The following BUD31 variants were observed in gnomAD, a reference collection of about 807,000 sequenced individuals.
BUD31 encodes the protein protein BUD31 homolog.
BUD31 carries 9 observed loss-of-function variants against 17.9 expected under a neutral mutation model. The observed-to-expected ratio is 0.50, with a 90% CI of 0.30 to 0.88. The LOEUF is 0.88. Among genes scored for constraint, BUD31 ranks in the 40% least tolerant of loss-of-function variants. BUD31 has a pLI of 0.06. For synonymous variants in BUD31, 70 were observed against 64.7 expected (o/e 1.08, Z -0.39); for missense variants, 148 against 184.5 (o/e 0.80, Z 1.15).
intron 3 of BUD31, among the ~76,000 whole-genome samples, chr7:99,415,520 C>A (rs568825313): frequency 6.6e-6 from 1 of 152,210 alleles, no homozygotes; most frequent in Admixed American, 6.5e-5. Context: ...TGCGGGCGGG[C>A]CTGACTGATG....
At chr7:99,415,527 G>A (rs1338508717) in intron 3 of BUD31, among the ~76,000 whole-genome samples, 1 of 151,826 alleles carries the variant, frequency 6.6e-6, no homozygotes, top group South Asian at 2.1e-4. Context: ...GGGCCTGACT[G>A]ATGTCAGGCC....
chr7:99,412,348 G>C (rs1425097062), intron 3 of BUD31, among the ~76,000 whole-genome samples: 2 of 152,190 alleles, frequency 1.3e-5, no homozygotes, highest in Non-Finnish European at 2.9e-5. Flanking sequence ...CTTCTAAAGG[G>C]TGACTTTTGA....
chr7:99,415,262 G>C (rs10953289), intron 3 of BUD31: 53,403 of 455,782 alleles, frequency 0.12, 7,227 homozygotes, highest in African/African-American at 0.49. Flanking sequence ...CATCTCCAAT[G>C]ATAGGTAAGG....
At position 99,419,513 on chromosome 7, in the gene BUD31, C is replaced by T; in HGVS notation, c.*72C>T. 11 of 1,569,834 alleles carry T rather than the reference C, an allele frequency of 7.0e-6. No homozygotes were observed. Among genetic ancestry groups the T allele is most frequent in the Middle Eastern group, 1.7e-4 (1 of 5,936 alleles). ...TGTCACGCCACCCCCTTCCTGGGAG[C>T]AGCGAGCAGTGCCCCAGGCCCGAGT... On this transcript the variant is annotated 3_prime_UTR_variant, in exon 6 of 6. Transcript: ENST00000222969.
At chr7:99,419,355 G>A (rs367628316) in intron 5 of BUD31, 36 bp from the exon 6 acceptor site, 44 of 1,610,902 alleles carry the variant, frequency 2.7e-5, no homozygotes, top group South Asian at 1.4e-4. Flanking sequence ...CGAGCGTGGC[G>A]CAGTGGCATC....
intron 3 of BUD31, among the ~76,000 whole-genome samples, chr7:99,415,491 A>G (rs1039925500): frequency 1.3e-5 from 2 of 152,060 alleles, no homozygotes; most frequent in African/African-American, 4.8e-5. Context: ...ACAGGGAGAT[A>G]GTTAGGCCTC....
Position 99,419,397 on chromosome 7 carries a change from A to G in BUD31, c.391A>G (p.Ile131Val). Residue 131 changes from isoleucine (I) to valine (V), a missense_variant, in exon 6 of 6, where the codon ATC (isoleucine) becomes GTC (valine). By Grantham distance (29) the Ile-to-Val change is conservative. Transcript: ENST00000222969. Reference sequence around the variant, plus strand: ...CTGTCCTCCTCCGTTGCAGGGCCGCATCATCGAGTGCACACACTGTGGCTG... The same window carrying G: ...CTGTCCTCCTCCGTTGCAGGGCCGCGTCATCGAGTGCACACACTGTGGCTG... Reference protein sequence around the residue: ...VPKSKLEVGRIIECTHCGCRG... With the variant: ...VPKSKLEVGRVIECTHCGCRG... 1 of 1,613,132 alleles carries G rather than the reference A, an allele frequency of 6.2e-7. No homozygotes were observed. The highest frequency in any genetic ancestry group is 8.5e-7 in the Non-Finnish European group (1 of 1,180,000).
chr7:99,415,085 T>C (rs1795344091), intron 3 of BUD31: 1 of 391,488 alleles, frequency 2.6e-6, no homozygotes, highest in Non-Finnish European at 5.0e-6. Flanking sequence ...TTTCTCCCCG[T>C]GTGTGGAGAC....
At chr7:99,414,033 C>T (rs902612733) in intron 3 of BUD31, among the ~76,000 whole-genome samples, 74 of 152,202 alleles carry the variant, frequency 4.9e-4, no homozygotes, top group Admixed American at 4.8e-3. Context: ...GCATGTCTCA[C>T]ACATGGATGT....
chr7:99,419,414 C>T lies in BUD31; in HGVS notation c.408C>T (p.His136=). ...AGGGCCGCATCATCGAGTGCACACA[C>T]TGTGGCTGTCGTGGCTGCTCTGGCT... ...LEVGRIIECT[H]CGCRGCSG is the part of the protein sequence containing the mutation. The change falls in exon 6 of 6, where the codon CAC becomes CAT. Residue 136 remains histidine, a synonymous_variant. Transcript: ENST00000222969. 2 of 1,613,172 alleles carry T rather than the reference C, an allele frequency of 1.2e-6. No individual in the cohort carries two copies. The highest frequency in any genetic ancestry group is 2.2e-5 in the South Asian group (2 of 91,086).
chr7:99,409,300 C>T (rs1741934930), intron 1 of BUD31, 55 bp downstream of exon 1: 1 of 152,324 alleles, frequency 6.6e-6, no homozygotes, highest in East Asian at 1.9e-4. Flanking sequence ...CAGATGCTGT[C>T]CTTTTTATGA....
intron 1 of BUD31, among the ~76,000 whole-genome samples, chr7:99,409,499 TGGATCA>T (rs965518951): frequency 6.6e-6 from 1 of 152,016 alleles, no homozygotes; most frequent in Non-Finnish European, 1.5e-5. Flanking sequence ...ACTTCCAGGC[TGGATCA>T]GGGCCCTCGA....
At chr7:99,415,302 G>A (rs753332211) in intron 3 of BUD31, 5 of 454,804 alleles carry the variant, frequency 1.1e-5, no homozygotes, top group South Asian at 1.5e-5. Flanking sequence ...ACTGGAAAGC[G>A]GGCCCTTGCC....
intron 4 of BUD31, chr7:99,416,783 CAAT>C (rs1396173401): frequency 6.9e-6 from 1 of 145,816 alleles, no homozygotes; most frequent in African/African-American, 2.8e-5. Flanking sequence ...TGCAGTGGTG[CAAT>C]GATGGCTCAC....
In BUD31 at chr7:99,411,078, T is replaced by C. The variant is rs1057030235; in HGVS notation, c.-15T>C. 6.2e-7 allele frequency: 1 copy of C among 1,610,564 alleles called. No homozygotes were observed. The highest frequency in any genetic ancestry group is 1.3e-5 in the African/African-American group (1 of 74,856). On this transcript the variant is annotated 5_prime_UTR_variant, in exon 3 of 6. Transcript: ENST00000222969. ...TTTTCCCCCAGATCTTTGCAGATTA[T>C]CCTGTGGAAGGAAAATGCCTAAAGT...
At chr7:99,419,083 A>G (rs543768821) in intron 5 of BUD31, 2 of 422,910 alleles carry the variant, frequency 4.7e-6, no homozygotes, top group East Asian at 9.8e-5. Flanking sequence ...AGGGTCTGTC[A>G]TGCTCACTTA....
rs1320969996 is a variant in BUD31 at position 99,419,517 on chromosome 7, G to C, written c.*76G>C. 1 of 1,554,968 alleles carries C rather than the reference G, an allele frequency of 6.4e-7. No individual in the cohort carries two copies. Among genetic ancestry groups the C allele is most frequent in the African/African-American group, 1.4e-5 (1 of 73,818 alleles). On this transcript the variant is annotated 3_prime_UTR_variant, in exon 6 of 6. Transcript: ENST00000222969. ...ACGCCACCCCCTTCCTGGGAGCAGC[G>C]AGCAGTGCCCCAGGCCCGAGTTGGA...
In BUD31 at chr7:99,411,070, G is replaced by A; in HGVS notation, c.-23G>A. On this transcript the variant is annotated 5_prime_UTR_variant, in exon 3 of 6. Transcript: ENST00000222969. ...ATTCATTTTTTTCCCCCAGATCTTT[G>A]CAGATTATCCTGTGGAAGGAAAATG... is the stretch of plus-strand genomic sequence containing the variant. The A allele has an allele frequency of 6.2e-7, 1 of 1,602,594 alleles. No individual in the cohort carries two copies. Among genetic ancestry groups the A allele is most frequent in the South Asian group, 1.1e-5 (1 of 90,598 alleles).
At chr7:99,411,652 A>C in intron 3 of BUD31, 1 of 454,304 alleles carries the variant, frequency 2.2e-6, no homozygotes, top group South Asian at 1.6e-5. Context: ...ATCTGAAGCC[A>C]CAAGCATCTG....
Sources: allele counts gnomAD v4.1 joint callset (sites outside exome capture counted in the v4.1 genomes callset), GRCh38; gene constraint gnomAD v4.1.1; transcripts MANE v1.5; gene names NCBI Gene and HGNC (gene_info 2026-07-23, HGNC 2026-07-21).